The following CCDC178 variants were observed in gnomAD, a reference collection of about 807,000 sequenced individuals.
CCDC178 encodes coiled-coil domain-containing protein 178.
In CCDC178, 126 loss-of-function variants were observed where a neutral mutation model predicts 117.4. The observed-to-expected ratio is 1.07, with a 90% confidence interval of 0.93 to 1.24. The LOEUF (loss-of-function observed/expected upper bound fraction) is 1.24, where lower values mean the gene tolerates loss of function less well. Among genes scored for constraint, CCDC178 ranks in the 50% most tolerant of loss-of-function variants. The probability of loss-of-function intolerance (pLI) is 0.00; values close to 1 mark genes in which losing one functional copy is unlikely to be tolerated. For missense variants in CCDC178, 1,030 were observed against 986.9 expected (o/e 1.04, Z -0.59); for synonymous variants, 283 against 313.4 (o/e 0.90, Z 1.02).
chr18:33,199,308 C>T (rs940586214), intron 20 of CCDC178, among the ~76,000 whole-genome samples: 1 of 152,076 alleles, frequency 6.6e-6, no homozygotes. Flanking sequence ...TAATAAAATA[C>T]TCTGCCTTCT....
rs191398600 is a variant in CCDC178 at position 33,286,560 on chromosome 18, T to C, written c.1176+6599A>G. Among the ~76,000 whole-genome samples the C allele has an allele frequency of 1.9e-3, 295 of 152,328 alleles. 2 individuals carry two copies. Among genetic ancestry groups the C allele is most frequent in the Middle Eastern group, 6.8e-3 (2 of 294 alleles). On this transcript the variant is annotated intron_variant, in intron 12 of 22. Coordinates refer to ENST00000383096, the MANE Select transcript of CCDC178 (RefSeq NM_001105528.4). ...CAAATGTATGAATCAAAAGGCATAT[T>C]TGAATGGGTATTTTGTGGTGTTTAG... is the stretch of plus-strand genomic sequence containing the variant.
At chr18:33,255,491 A>G (rs2059668097) in intron 14 of CCDC178, among the ~76,000 whole-genome samples, 1 of 152,056 alleles carries the variant, frequency 6.6e-6, no homozygotes, top group Non-Finnish European at 1.5e-5. Context: ...TTTATTGGTA[A>G]TTGAAATAGA....
chr18:33,255,387 T>G (rs1037735225), intron 14 of CCDC178, among the ~76,000 whole-genome samples: 2 of 152,108 alleles, frequency 1.3e-5, no homozygotes, highest in African/African-American at 4.8e-5. Flanking sequence ...GAAGCATGAC[T>G]TTATCCAATA....
At chr18:33,286,910 GA>G (rs1175157752) in intron 12 of CCDC178, among the ~76,000 whole-genome samples, 1 of 152,030 alleles carries the variant, frequency 6.6e-6, no homozygotes, top group African/African-American at 2.4e-5. Flanking sequence ...AAAATATTCT[GA>G]ACCTTGGGAG....
intron 20 of CCDC178, among the ~76,000 whole-genome samples, chr18:33,103,573 C>T (rs1180230953): frequency 1.1e-4 from 16 of 150,352 alleles, no homozygotes; most frequent in Admixed American, 7.3e-4. Context: ...AAAATTATCT[C>T]GAAGTCCTTA....
At chr18:33,134,339 A>G (rs1290155958) in intron 20 of CCDC178, among the ~76,000 whole-genome samples, 1 of 152,052 alleles carries the variant, frequency 6.6e-6, no homozygotes, top group East Asian at 1.9e-4. Flanking sequence ...ATTGTGTCCA[A>G]CATCTGCTTA....
chr18:33,219,445 T>C (rs981742788), intron 18 of CCDC178, among the ~76,000 whole-genome samples: 1 of 152,156 alleles, frequency 6.6e-6, no homozygotes, highest in Admixed American at 6.6e-5. Context: ...CAAAGGATTA[T>C]AAATCATGGT....
At chr18:33,199,322 A>C (rs1356739249) in intron 20 of CCDC178, among the ~76,000 whole-genome samples, 1 of 152,056 alleles carries the variant, frequency 6.6e-6, no homozygotes, top group Non-Finnish European at 1.5e-5. Flanking sequence ...GCCTTCTCTC[A>C]CCTATTGCCC....
At chr18:33,163,723 G>T (rs778065531) in intron 20 of CCDC178, among the ~76,000 whole-genome samples, 8 of 152,080 alleles carry the variant, frequency 5.3e-5, no homozygotes, top group Non-Finnish European at 7.4e-5. Context: ...AACTTTGGCA[G>T]CCAAAACTAA....
chr18:33,097,999 G>A (rs978436677), intron 20 of CCDC178, among the ~76,000 whole-genome samples: 1 of 152,096 alleles, frequency 6.6e-6, no homozygotes, highest in African/African-American at 2.4e-5. Context: ...GGGACCTGTA[G>A]AACTGTGGAC....
chr18:33,179,122 A>ATATAAAC lies in CCDC178; in HGVS notation c.2238+32773_2238+32774insGTTTATA, dbSNP rs2058703485. On this transcript the variant is annotated intron_variant, in intron 20 of 22. Coordinates refer to ENST00000383096, the MANE Select transcript of CCDC178 (RefSeq NM_001105528.4). Reference sequence around the variant, plus strand: ...ATATATATATATAAACTATATATATATATATAAACTATATATATATAAACT... The same window carrying ATATAAAC: ...ATATATATATATAAACTATATATATATATAAACTATATAAACTATATATATATAAACT... Among the ~76,000 whole-genome samples the ATATAAAC allele has an allele frequency of 8.4e-5, 9 of 106,692 alleles. 1 individual carries two copies. Among genetic ancestry groups the ATATAAAC allele is most frequent in the Non-Finnish European group, 1.9e-4 (9 of 46,396 alleles). The allele number at this position is 106,692 out of a possible 152,430, so 70.0% of individuals were successfully genotyped here. A position where few individuals can be genotyped will look rare whatever the true frequency, so the allele number is the denominator to read the frequency against.
chr18:33,347,995 A>C (rs1301583735), intron 8 of CCDC178, among the ~76,000 whole-genome samples: 1 of 151,998 alleles, frequency 6.6e-6, no homozygotes. Context: ...TTTAGACCTC[A>C]AATGTACATA....
chr18:33,146,865 G>A (rs2058274179), intron 20 of CCDC178, among the ~76,000 whole-genome samples: 1 of 152,174 alleles, frequency 6.6e-6, no homozygotes, highest in South Asian at 2.1e-4. Flanking sequence ...AACAACAGAT[G>A]GAAAGTCTAA....
At chr18:33,414,338 T>C (rs985710446) in intron 2 of CCDC178, among the ~76,000 whole-genome samples, 1 of 152,022 alleles carries the variant, frequency 6.6e-6, no homozygotes, top group Non-Finnish European at 1.5e-5. Context: ...AAAAAAACTA[T>C]CTTGAATGAA....
chr18:33,172,304 T>C (rs555337085), intron 20 of CCDC178, among the ~76,000 whole-genome samples: 5 of 152,280 alleles, frequency 3.3e-5, no homozygotes, highest in South Asian at 4.1e-4. Context: ...TTTATGTAAG[T>C]AGTTGACAAA....
intron 12 of CCDC178, among the ~76,000 whole-genome samples, chr18:33,292,923 TG>T (rs1331624600): frequency 6.6e-6 from 1 of 151,978 alleles, no homozygotes; most frequent in Non-Finnish European, 1.5e-5. Context: ...AGCAACCACT[TG>T]AGCCATGCTG....
chr18:33,166,698 A>C (rs2058534586), intron 20 of CCDC178, among the ~76,000 whole-genome samples: 1 of 152,190 alleles, frequency 6.6e-6, no homozygotes, highest in Admixed American at 6.5e-5. Flanking sequence ...TGACTATGGA[A>C]GCCAAATTAA....
At chr18:33,301,069 G>A (rs1271854562) in intron 11 of CCDC178, among the ~76,000 whole-genome samples, 2 of 152,236 alleles carry the variant, frequency 1.3e-5, no homozygotes, top group African/African-American at 4.8e-5. Flanking sequence ...CAGGGGGCAG[G>A]CCTGGGATGC....
At chr18:33,123,663 C>T (rs1168368299) in intron 20 of CCDC178, among the ~76,000 whole-genome samples, 1 of 152,104 alleles carries the variant, frequency 6.6e-6, no homozygotes, top group Admixed American at 6.6e-5. Flanking sequence ...GAATCTTATT[C>T]TTCACTCTTT....
Sources: allele counts gnomAD v4.1 joint callset (sites outside exome capture counted in the v4.1 genomes callset), GRCh38; gene constraint gnomAD v4.1.1; transcripts MANE v1.5; gene names NCBI Gene and HGNC (gene_info 2026-07-23, HGNC 2026-07-21).